NXN: variants seen among roughly 807,000 people sequenced by gnomAD.
The protein encoded by NXN is nucleoredoxin 1.
In NXN, 16 loss-of-function variants were observed where a neutral mutation model predicts 48.6. The ratio of observed to expected loss-of-function variants is 0.33; its 90% CI spans 0.22 to 0.50. The LOEUF is 0.50. Among genes scored for constraint, NXN ranks in the 20% least tolerant of loss-of-function variants. The pLI is 0.98. For missense variants in NXN, 492 were observed against 605.5 expected (o/e 0.81, Z 1.97); for synonymous variants, 281 against 269.6 (o/e 1.04, Z -0.41).
At chr17:971,038 C>T (rs1252143963) in intron 1 of NXN, among the ~76,000 whole-genome samples, 3 of 151,438 alleles carry the variant, frequency 2.0e-5, no homozygotes, top group Non-Finnish European at 4.4e-5. Context: ...CCTCCGCCTC[C>T]AGGGTTCAAG....
intron 1 of NXN, among the ~76,000 whole-genome samples, chr17:918,910 GTC>G (rs2068717388): frequency 6.6e-6 from 1 of 150,842 alleles, no homozygotes. Context: ...CATTAAAAAT[GTC>G]TCTGCAGCCA....
intron 5 of NXN, 133 bp from the exon 6 acceptor site, chr17:805,380 A>C: frequency 2.1e-6 from 2 of 935,162 alleles, no homozygotes; most frequent in Non-Finnish European, 3.1e-6. Flanking sequence ...CAGGCTCACA[A>C]TGAAGAGGCC....
chr17:977,338 G>A (rs2069473073), intron 1 of NXN, among the ~76,000 whole-genome samples: 1 of 152,198 alleles, frequency 6.6e-6, no homozygotes, highest in Non-Finnish European at 1.5e-5. Flanking sequence ...CACTCTCAAC[G>A]GTATTTTCAA....
intron 1 of NXN, among the ~76,000 whole-genome samples, chr17:877,109 A>G (rs2068224906): frequency 6.6e-6 from 1 of 151,970 alleles, no homozygotes; most frequent in Non-Finnish European, 1.5e-5. Flanking sequence ...AATTCTTAAT[A>G]TATTAAACAA....
intron 5 of NXN, among the ~76,000 whole-genome samples, chr17:809,408 G>A (rs1338818416): frequency 6.6e-6 from 1 of 152,198 alleles, no homozygotes; most frequent in Non-Finnish European, 1.5e-5. Context: ...AAAGCCAGGT[G>A]CGCCGAGACT....
intron 1 of NXN, among the ~76,000 whole-genome samples, chr17:977,246 T>C (rs764598681): frequency 2.0e-5 from 3 of 152,104 alleles, no homozygotes; most frequent in Non-Finnish European, 2.9e-5. Context: ...GAGAATAAAG[T>C]ATAGGATGTG....
intron 1 of NXN, among the ~76,000 whole-genome samples, chr17:835,031 T>A (rs113238338): frequency 8.7e-5 from 13 of 148,856 alleles, no homozygotes; most frequent in South Asian, 2.3e-4. Context: ...ACAGCAGGCC[T>A]GGCGCGGTGG....
rs765645959 is a variant in NXN at position 807,498 on chromosome 17, C to T, written c.821-2251G>A. On this transcript the variant is annotated intron_variant, in intron 5 of 7. Coordinates refer to ENST00000336868, the MANE Select transcript of NXN (RefSeq NM_022463.5). ...GGGCTCTCCGAGGGCCTCCTCCAAG[C>T]GGCCTTTTTCCTGACTGTGGCTGCA... is the stretch of plus-strand genomic sequence containing the variant. Among the ~76,000 whole-genome samples the T allele has an allele frequency of 5.3e-5, 8 of 152,168 alleles. No individual in the cohort carries two copies. The East Asian group carries it at 5.8e-4, about 11-fold the overall frequency.
At chr17:858,465 C>T (rs1402296583) in intron 1 of NXN, among the ~76,000 whole-genome samples, 1 of 151,990 alleles carries the variant, frequency 6.6e-6, no homozygotes, top group African/African-American at 2.4e-5. Flanking sequence ...CGGTGGCTCA[C>T]GCCTGTAATC....
rs62070000 is a variant in NXN, at chr17:809,977, G to A, written c.821-4730C>T. On this transcript the variant is annotated intron_variant, in intron 5 of 7. Coordinates refer to ENST00000336868, the MANE Select transcript of NXN (RefSeq NM_022463.5). ...TCTGTGTGAGTGGCGTGTACGTTAC[G>A]AGTCTGTGAGTGGCGTGTACGTTAC... 2.4e-5 allele frequency among the ~76,000 whole-genome samples: 3 copies of A among 126,996 alleles called. 1 individual carries two copies. Among genetic ancestry groups the A allele is most frequent in the Non-Finnish European group, 5.3e-5 (3 of 57,034 alleles). The allele number at this position is 126,996 out of a possible 152,430, so 83.3% of individuals were successfully genotyped here. A position where few individuals can be genotyped will look rare whatever the true frequency, so the allele number is the denominator to read the frequency against.
At chr17:861,956 A>T (rs1347973459) in intron 1 of NXN, among the ~76,000 whole-genome samples, 1 of 151,998 alleles carries the variant, frequency 6.6e-6, no homozygotes, top group Non-Finnish European at 1.5e-5. Flanking sequence ...CAGCCTCCCA[A>T]GTAGCTGGGA....
intron 1 of NXN, among the ~76,000 whole-genome samples, chr17:927,815 A>G (rs1302372009): frequency 6.6e-6 from 1 of 152,054 alleles, no homozygotes; most frequent in Non-Finnish European, 1.5e-5. Context: ...ATTTCAAAAG[A>G]ACTCCTAGAG....
At chr17:810,539 G>A (rs975935248) in intron 5 of NXN, among the ~76,000 whole-genome samples, 1 of 152,086 alleles carries the variant, frequency 6.6e-6, no homozygotes, top group African/African-American at 2.4e-5. Flanking sequence ...TCTGTTCCTC[G>A]GATCCTTCCG....
chr17:935,160 AT>A (rs2068895277), intron 1 of NXN, among the ~76,000 whole-genome samples: 1 of 151,370 alleles, frequency 6.6e-6, no homozygotes, highest in Middle Eastern at 3.2e-3. Context: ...CGCCCAGATA[AT>A]TTTTGTGTTT....
chr17:969,323 G>A (rs1034633558), intron 1 of NXN, among the ~76,000 whole-genome samples: 3 of 152,080 alleles, frequency 2.0e-5, no homozygotes, highest in Admixed American at 6.5e-5. Flanking sequence ...TCACACCCCC[G>A]GGAAACAGCC....
In NXN at chr17:811,920, CTTTTTTTTTTT is replaced by C. The variant is rs34383551; in HGVS notation, c.821-6684_821-6674del. On this transcript the variant is annotated intron_variant, in intron 5 of 7. Transcript: ENST00000336868. ...CGGGTTGTGCGGTTACCCAGTTCTG[CTTTTTTTTTTT>C]TTTTTTTTTTTTTTGAGACGGAGTC... 1.1e-3 allele frequency among the ~76,000 whole-genome samples: 79 copies of C among 73,204 alleles called. No homozygotes were observed. In the Middle Eastern group the frequency reaches 0.043, roughly 40 times the overall value. The allele number at this position is 73,204 out of a possible 152,430, so 48.0% of individuals were successfully genotyped here. A position where few individuals can be genotyped will look rare whatever the true frequency, so the allele number is the denominator to read the frequency against.
At chr17:848,031 C>T (rs577157769) in intron 1 of NXN, among the ~76,000 whole-genome samples, 2 of 152,032 alleles carry the variant, frequency 1.3e-5, no homozygotes, top group Admixed American at 6.6e-5. Flanking sequence ...AGTGAAGGAT[C>T]GAAGATGAAA....
At chr17:842,747 A>G (rs993754416) in intron 1 of NXN, among the ~76,000 whole-genome samples, 2 of 152,150 alleles carry the variant, frequency 1.3e-5, no homozygotes, top group African/African-American at 2.4e-5. Context: ...AGACCAGCCC[A>G]GCCAATATGG....
intron 1 of NXN, chr17:905,270 T>TAGATATAG (rs1555620708): frequency 6.7e-6 from 1 of 149,384 alleles, no homozygotes; most frequent in South Asian, 2.1e-4. Flanking sequence ...TATATATATA[T>TAGATATAG]ATAGATGCCG....
Sources: gnomAD v4.1 joint callset for allele counts (sites outside exome capture counted in the v4.1 genomes callset) on GRCh38, gnomAD v4.1.1 for gene constraint, MANE v1.5 for transcripts, NCBI Gene and HGNC (gene_info 2026-07-23, HGNC 2026-07-21) for gene names.